Variants in ZBTB38 observed in about 807,000 individuals in gnomAD.
ZBTB38 encodes the protein zinc finger and BTB domain-containing protein 38.
A neutral mutation model predicts 76.8 loss-of-function variants in ZBTB38; 20 were observed. The observed-to-expected ratio is 0.26, with a 90% confidence interval of 0.18 to 0.38. The LOEUF (loss-of-function observed/expected upper bound fraction) is 0.38, where lower values mean the gene tolerates loss of function less well. Among genes scored for constraint, ZBTB38 ranks in the 10% least tolerant of loss-of-function variants. ZBTB38 has a pLI of 1.00. For synonymous variants in ZBTB38, 504 were observed against 544.2 expected (o/e 0.93, Z 1.03); for missense variants, 1,082 against 1,482.3 (o/e 0.73, Z 4.43).
chr3:141,373,756 A>C (rs1208416512), intron 2 of ZBTB38, among the ~76,000 whole-genome samples: 2 of 152,214 alleles, frequency 1.3e-5, no homozygotes, highest in Non-Finnish European at 2.9e-5. Flanking sequence ...TAGAAAATGT[A>C]ATGCTGAGAC....
intron 4 of ZBTB38, among the ~76,000 whole-genome samples, chr3:141,393,837 A>G (rs1024398112): frequency 6.6e-6 from 1 of 152,174 alleles, no homozygotes; most frequent in Non-Finnish European, 1.5e-5. Context: ...GGCCTACGGC[A>G]TACAGACTGG....
chr3:141,409,518 A>AG (rs1955914650), intron 5 of ZBTB38, among the ~76,000 whole-genome samples: 1 of 152,194 alleles, frequency 6.6e-6, no homozygotes, highest in Non-Finnish European at 1.5e-5. Context: ...GTAACCTCAG[A>AG]ATTTTTGACA....
intron 1 of ZBTB38, among the ~76,000 whole-genome samples, chr3:141,353,350 G>C (rs1381355376): frequency 6.6e-6 from 1 of 151,754 alleles, no homozygotes; most frequent in Non-Finnish European, 1.5e-5. Context: ...TTCCCCTTTT[G>C]CATCACTTAC....
At chr3:141,428,853 C>A (rs1278657316) in intron 5 of ZBTB38, among the ~76,000 whole-genome samples, 1 of 152,100 alleles carries the variant, frequency 6.6e-6, no homozygotes, top group Non-Finnish European at 1.5e-5. Context: ...AAGTGCTTTG[C>A]AACTTGAAAT....
At chr3:141,412,498 G>T (rs1198659679) in intron 5 of ZBTB38, among the ~76,000 whole-genome samples, 1 of 151,742 alleles carries the variant, frequency 6.6e-6, no homozygotes, top group Non-Finnish European at 1.5e-5. Context: ...TTTTAGATCA[G>T]TATATTTAAA....
At chr3:141,330,982 G>A (rs1033428014) in intron 1 of ZBTB38, among the ~76,000 whole-genome samples, 1 of 152,206 alleles carries the variant, frequency 6.6e-6, no homozygotes, top group African/African-American at 2.4e-5. Context: ...CCAGTTTTAA[G>A]TATTCTGTTA....
Position 141,419,147 on chromosome 3 carries a change from G to A in ZBTB38, c.-1+15116G>A, listed in dbSNP as rs1178103021. Among the ~76,000 whole-genome samples the A allele has an allele frequency of 3.3e-5, 5 of 152,260 alleles. No individual in the cohort carries two copies. In the East Asian group the frequency reaches 7.7e-4, roughly 23 times the overall value. The stretch of plus-strand genomic sequence containing the variant: ...TCATGGCAGAAGGTAAAGGGGAAGC[G>A]GCATCTTCTTCACATGGCAGCAGGA... On this transcript the variant is annotated intron_variant, in intron 5 of 5. Transcript: ENST00000321464.
rs557238125 is a variant in ZBTB38 at position 141,418,089 on chromosome 3, T to TG, written c.-1+14062dup. Among the ~76,000 whole-genome samples the TG allele has an allele frequency of 4.2e-3, 639 of 152,262 alleles. 2 individuals carry two copies. Among genetic ancestry groups the TG allele is most frequent in the Middle Eastern group, 0.017 (5 of 294 alleles). ...GACTAAACACATCAGAATCTTGAAT[T>TG]GGGGCCTGAGTATTGGTGTTTTCTC... is the stretch of plus-strand genomic sequence containing the variant. On this transcript the variant is annotated intron_variant, in intron 5 of 5. Coordinates refer to ENST00000321464, the MANE Select transcript of ZBTB38 (RefSeq NM_001376113.1).
Position 141,409,830 on chromosome 3 carries a change from T to C in ZBTB38, c.-1+5799T>C, listed in dbSNP as rs1956035770. 2.0e-5 allele frequency among the ~76,000 whole-genome samples: 3 copies of C among 152,314 alleles called. No homozygotes were observed. The South Asian group carries it at 6.2e-4, about 32-fold the overall frequency. On this transcript the variant is annotated intron_variant, in intron 5 of 5. Transcript: ENST00000321464. ...CCAGTTGAAAGTTTAAAACTGCTCC[T>C]TGGGGGATTGCCCAGAGGGCTAAGT...
chr3:141,372,015 T>C (rs1326941649), intron 2 of ZBTB38, among the ~76,000 whole-genome samples: 6 of 152,206 alleles, frequency 3.9e-5, no homozygotes, highest in Non-Finnish European at 8.8e-5. Context: ...TGGTTTCTGA[T>C]TGACTTTTGC....
At chr3:141,439,292 G>A (rs2150852561) in intron 5 of ZBTB38, among the ~76,000 whole-genome samples, 1 of 152,286 alleles carries the variant, frequency 6.6e-6, no homozygotes, top group Middle Eastern at 3.4e-3. Flanking sequence ...TAAAAGGTGT[G>A]TCAAGAAGGC....
At chr3:141,415,912 C>T in intron 5 of ZBTB38, among the ~76,000 whole-genome samples, 1 of 152,084 alleles carries the variant, frequency 6.6e-6, no homozygotes, top group East Asian at 1.9e-4. Flanking sequence ...TTTTAGGGGA[C>T]AGAAAACCTT....
intron 5 of ZBTB38, among the ~76,000 whole-genome samples, chr3:141,423,669 A>T (rs1486477517): frequency 6.6e-6 from 1 of 152,234 alleles, no homozygotes; most frequent in African/African-American, 2.4e-5. Flanking sequence ...CGGTAATTTA[A>T]TCAAGGACTT....
intron 4 of ZBTB38, among the ~76,000 whole-genome samples, chr3:141,391,430 C>T (rs1252149867): frequency 6.6e-6 from 1 of 152,166 alleles, no homozygotes; most frequent in African/African-American, 2.4e-5. Flanking sequence ...TGAGGCTTAA[C>T]TTAGGTAAGC....
Position 141,360,410 on chromosome 3 carries a change from A to G in ZBTB38, c.-738-8211A>G, listed in dbSNP as rs796471855. Among the ~76,000 whole-genome samples, 11 of 152,288 alleles carry G rather than the reference A, an allele frequency of 7.2e-5. No individual in the cohort carries two copies. The South Asian group carries it at 2.1e-3, about 29-fold the overall frequency. ...CAGAAATTGCCATTTTTGTACATCA[A>G]AAAGGGTCTACAATTGTCATTTCTA... is the stretch of plus-strand genomic sequence containing the variant. On this transcript the variant is annotated intron_variant, in intron 1 of 7. Transcript: ENST00000509842.
chr3:141,440,770 T>TC (rs1325742846), intron 5 of ZBTB38, among the ~76,000 whole-genome samples: 1 of 152,096 alleles, frequency 6.6e-6, no homozygotes, highest in Non-Finnish European at 1.5e-5. Context: ...GTGCAGTGGC[T>TC]CACACCTGTA....
At chr3:141,431,341 A>AAAAAAAAAAAATATATATATATAT in intron 5 of ZBTB38, among the ~76,000 whole-genome samples, 1 of 103,296 alleles carries the variant, frequency 9.7e-6, no homozygotes, top group African/African-American at 6.0e-5. Flanking sequence ...AAAAAAAAAA[A>AAAAAAAAAAAATATATATATATAT]ATATATATAT....
intron 4 of ZBTB38, among the ~76,000 whole-genome samples, chr3:141,397,088 T>C (rs1436951428): frequency 3.3e-5 from 5 of 152,260 alleles, no homozygotes; most frequent in East Asian, 3.8e-4. Flanking sequence ...CTCCTTCCAA[T>C]AGAAGGCTGT....
chr3:141,364,828 A>G (rs1187115245), upstream of ZBTB38, among the ~76,000 whole-genome samples: 3 of 152,154 alleles, frequency 2.0e-5, no homozygotes, highest in Non-Finnish European at 4.4e-5. Flanking sequence ...ATGCAGTTCA[A>G]AATCACAATG....
Sources: allele counts gnomAD v4.1 joint callset (sites outside exome capture counted in the v4.1 genomes callset), GRCh38; gene constraint gnomAD v4.1.1; transcripts MANE v1.5; gene names NCBI Gene and HGNC (gene_info 2026-07-23, HGNC 2026-07-21).